P2RY8: variants seen among roughly 807,000 people sequenced by gnomAD.
P2RY8 encodes the protein P2Y receptor family member 8.
A neutral mutation model predicts 10.0 loss-of-function variants in P2RY8; 6 were observed. The observed-to-expected ratio is 0.60, with a 90% CI of 0.33 to 1.19. The LOEUF (loss-of-function observed/expected upper bound fraction) is 1.19. Ranked by LOEUF, P2RY8 falls within the 50% of genes most tolerant of loss-of-function variation. The pLI is 0.04. For synonymous variants in P2RY8, 276 were observed against 252.5 expected (o/e 1.09, Z -0.88); for missense variants, 456 against 542.0 (o/e 0.84, Z 1.58).
intron 1 of P2RY8, among the ~76,000 whole-genome samples, chrX:1,482,094 G>GA (rs1342398041): frequency 6.6e-6 from 1 of 152,002 alleles, no homozygotes. Context: ...CTTCATCGCT[G>GA]GCCAGAGAGC....
chrX:1,499,226 G>A (rs781659925), intron 1 of P2RY8, among the ~76,000 whole-genome samples: 4 of 142,446 alleles, frequency 2.8e-5, no homozygotes, highest in South Asian at 2.2e-4. Context: ...GCAATGGCAC[G>A]ATCTCGGTTC....
intron 1 of P2RY8, among the ~76,000 whole-genome samples, chrX:1,492,555 A>G (rs1244831776): frequency 1.3e-5 from 2 of 152,126 alleles, no homozygotes; most frequent in African/African-American, 4.8e-5. Flanking sequence ...AGAAAGAGAA[A>G]GAGGAGAAAC....
intron 1 of P2RY8, among the ~76,000 whole-genome samples, chrX:1,522,738 T>C (rs1200588630): frequency 6.6e-6 from 1 of 151,752 alleles, no homozygotes; most frequent in Admixed American, 6.6e-5. Context: ...GTCACTGCAC[T>C]CCAGCCTGGG....
chrX:1,480,689 G>A (rs1305870464), intron 1 of P2RY8, among the ~76,000 whole-genome samples: 1 of 152,054 alleles, frequency 6.6e-6, no homozygotes, highest in Non-Finnish European at 1.5e-5. Flanking sequence ...GGGGATAGAG[G>A]AGGGAGAGCA....
At chrX:1,528,764 T>C (rs1199633496) in intron 1 of P2RY8, among the ~76,000 whole-genome samples, 6 of 151,822 alleles carry the variant, frequency 4.0e-5, no homozygotes, top group Non-Finnish European at 5.9e-5. Context: ...ATGAGTGGAC[T>C]TGAGTCTGTT....
At chrX:1,535,712 CACAG>C (rs1389378417) in intron 1 of P2RY8, among the ~76,000 whole-genome samples, 2 of 145,312 alleles carry the variant, frequency 1.4e-5, no homozygotes, top group African/African-American at 5.1e-5. Flanking sequence ...CACACACACA[CACAG>C]ACACACACAC....
At chrX:1,467,731 C>A (rs1262410828) in intron 1 of P2RY8, among the ~76,000 whole-genome samples, 27 of 152,274 alleles carry the variant, frequency 1.8e-4, no homozygotes, top group African/African-American at 6.5e-4. Flanking sequence ...GGCTGGAGGG[C>A]AGTAGTGCAA....
chrX:1,509,415 TTTC>T lies in P2RY8; in HGVS notation c.-25+27503_-25+27505del, dbSNP rs1467544558. On this transcript the variant is annotated intron_variant, in intron 1 of 1. Transcript: ENST00000381297. ...ATCTATCTATCTATCTATCTATCTA[TTTC>T]TATTATCTATCTATCATCTATGTAT... Among the ~76,000 whole-genome samples the T allele has an allele frequency of 3.9e-4, 53 of 136,190 alleles. 1 individual carries two copies. The East Asian group carries it at 6.4e-3, about 16-fold the overall frequency. The allele number at this position is 136,190 out of a possible 152,430, so 89.3% of individuals were successfully genotyped here.
At chrX:1,533,339 A>G (rs1442283564) in intron 1 of P2RY8, among the ~76,000 whole-genome samples, 1 of 147,278 alleles carries the variant, frequency 6.8e-6, no homozygotes, top group Non-Finnish European at 1.5e-5. Context: ...GCCAAAAATA[A>G]TATATATATA....
chrX:1,477,372 C>G (rs1480629758), intron 1 of P2RY8, among the ~76,000 whole-genome samples: 3 of 151,694 alleles, frequency 2.0e-5, no homozygotes, highest in Admixed American at 1.3e-4. Context: ...ATCTACCTAT[C>G]AATTTTCTCT....
chrX:1,482,957 G>A (rs187570748), intron 1 of P2RY8, among the ~76,000 whole-genome samples: 1 of 151,772 alleles, frequency 6.6e-6, no homozygotes, highest in African/African-American at 2.4e-5. Context: ...GTGGGGGGAC[G>A]GGGGAGGGAT....
chrX:1,480,672 G>C (rs1426228598), intron 1 of P2RY8, among the ~76,000 whole-genome samples: 1 of 151,996 alleles, frequency 6.6e-6, no homozygotes, highest in African/African-American at 2.4e-5. Flanking sequence ...GGCCTGTCGG[G>C]GGGTGAGGGG....
intron 1 of P2RY8, among the ~76,000 whole-genome samples, chrX:1,535,332 T>G (rs1255902421): frequency 6.6e-6 from 1 of 151,114 alleles, no homozygotes; most frequent in Non-Finnish European, 1.5e-5. Flanking sequence ...GGATGACAGG[T>G]GCCCGCCGCC....
At position 1,514,650 on chromosome X, in the gene P2RY8, T is replaced by C. The variant is rs867699881; in HGVS notation, c.-25+22271A>G. 5.8e-4 allele frequency among the ~76,000 whole-genome samples: 5 copies of C among 8,644 alleles called. 1 individual carries two copies. Among genetic ancestry groups the C allele is most frequent in the African/African-American group, 2.4e-3 (5 of 2,092 alleles). The allele number at this position is 8,644 out of a possible 152,430, so 5.7% of individuals were successfully genotyped here. On this transcript the variant is annotated intron_variant, in intron 1 of 1. Transcript: ENST00000381297. ...CTTTTCCTTTCCCTTCCCTTCCCTT[T>C]CCTCCCCTCCCTTCCCTTCCCTTCC...
intron 1 of P2RY8, among the ~76,000 whole-genome samples, chrX:1,518,550 C>A (rs1299821753): frequency 1.3e-5 from 2 of 151,482 alleles, no homozygotes; most frequent in African/African-American, 4.8e-5. Context: ...CCCCCAAAAC[C>A]TGTCTGTTTC....
intron 1 of P2RY8, among the ~76,000 whole-genome samples, chrX:1,501,895 T>C (rs749487209): frequency 7.6e-6 from 1 of 131,104 alleles, no homozygotes; most frequent in East Asian, 2.3e-4. Context: ...GCCCGGCGAG[T>C]TTTCATTTTT....
At chrX:1,499,837 G>C (rs1427202158) in intron 1 of P2RY8, among the ~76,000 whole-genome samples, 1 of 145,580 alleles carries the variant, frequency 6.9e-6, no homozygotes, top group Non-Finnish European at 1.5e-5. Context: ...TTTTGAATCT[G>C]TTTTTTTGTT....
intron 1 of P2RY8, among the ~76,000 whole-genome samples, chrX:1,522,080 G>C (rs1368510549): frequency 8.9e-5 from 13 of 146,140 alleles, no homozygotes; most frequent in Non-Finnish European, 1.6e-4. Flanking sequence ...AGCCTCCCGA[G>C]TAGCTGGGAT....
Position 1,534,218 on chromosome X carries a change from T to C in P2RY8, c.-25+2703A>G, listed in dbSNP as rs757008475. On this transcript the variant is annotated intron_variant, in intron 1 of 1. Coordinates refer to ENST00000381297, the MANE Select transcript of P2RY8 (RefSeq NM_178129.5). The stretch of plus-strand genomic sequence containing the variant: ...TTTACATATATATTTATATACTTAC[T>C]ATTTATATATTATATATTATTTATA... Among the ~76,000 whole-genome samples, 296 of 142,246 alleles carry C rather than the reference T, an allele frequency of 2.1e-3. 1 individual carries two copies. Among genetic ancestry groups the C allele is most frequent in the African/African-American group, 7.4e-3 (288 of 38,798 alleles). The allele number at this position is 142,246 out of a possible 152,430, so 93.3% of individuals were successfully genotyped here. A position where few individuals can be genotyped will look rare whatever the true frequency, so the allele number is the denominator to read the frequency against.
Sources: allele counts gnomAD v4.1 joint callset (sites outside exome capture counted in the v4.1 genomes callset), GRCh38; gene constraint gnomAD v4.1.1; transcripts MANE v1.5; gene names NCBI Gene and HGNC (gene_info 2026-07-23, HGNC 2026-07-21).